The following TEAD3 variants were observed in gnomAD, a reference collection of about 807,000 sequenced individuals.
TEAD3 encodes the protein TEA domain transcription factor 3.
TEAD3 carries 15 observed loss-of-function variants against 55.6 expected under a neutral mutation model. The ratio of observed to expected loss-of-function variants is 0.27; its 90% CI spans 0.18 to 0.42. TEAD3 has a LOEUF of 0.42. Ranked by LOEUF, TEAD3 falls within the 10% of genes least tolerant of loss-of-function variation. The pLI is 1.00. For missense variants in TEAD3, 407 were observed against 576.8 expected (o/e 0.71, Z 3.01); for synonymous variants, 210 against 232.2 (o/e 0.90, Z 0.87).
intron 1 of TEAD3, among the ~76,000 whole-genome samples, chr6:35,495,079 T>G (rs1218061385): frequency 6.6e-6 from 1 of 152,152 alleles, no homozygotes; most frequent in African/African-American, 2.4e-5. Context: ...GAGAAGTCAT[T>G]CATTCCAAGC....
In TEAD3 at chr6:35,489,913, A is replaced by C. The variant is rs1180864472; in HGVS notation, c.-49-3202T>G. On this transcript the variant is annotated intron_variant, in intron 1 of 12. Coordinates refer to ENST00000639578, the Ensembl canonical transcript of TEAD3. ...TAAATTAAAAAAACAAAAAGAAAAAATTAAGGGGACAGGGGTGTGCTAGCT... is the reference window on the plus strand; with the variant it reads ...TAAATTAAAAAAACAAAAAGAAAAACTTAAGGGGACAGGGGTGTGCTAGCT... Among the ~76,000 whole-genome samples, 3 of 152,138 alleles carry C rather than the reference A, an allele frequency of 2.0e-5. No homozygotes were observed. The East Asian group carries it at 5.8e-4, about 29-fold the overall frequency.
At chr6:35,489,568 T>C (rs1388400739) in intron 1 of TEAD3, among the ~76,000 whole-genome samples, 1 of 152,068 alleles carries the variant, frequency 6.6e-6, no homozygotes, top group African/African-American at 2.4e-5. Context: ...GGAATCTCTC[T>C]CCCATGGCCA....
In TEAD3 at chr6:35,484,429, T is replaced by C; in HGVS notation, c.267+131A>G. The C allele has an allele frequency of 3.7e-6, 3 of 807,272 alleles. No individual in the cohort carries two copies. Among genetic ancestry groups the C allele is most frequent in the Non-Finnish European group, 4.1e-6 (2 of 485,126 alleles). The allele number at this position is 807,272 out of a possible 1,614,324, so 50.0% of individuals were successfully genotyped here. On this transcript the variant is annotated intron_variant, in intron 3 of 12. Transcript: ENST00000639578. The surrounding 1 kb of genome is among the most constrained non-coding windows in gnomAD (Gnocchi z 5.8). ...AATCGAGGGGGTAAGGGGAGTGTGATGAGGCAAGGAGGGTGGCAGTCCAGG... is the reference window on the plus strand; with the variant it reads ...AATCGAGGGGGTAAGGGGAGTGTGACGAGGCAAGGAGGGTGGCAGTCCAGG...
intron 1 of TEAD3, among the ~76,000 whole-genome samples, chr6:35,489,146 A>G (rs1173807871): frequency 1.3e-5 from 2 of 152,222 alleles, no homozygotes; most frequent in African/African-American, 4.8e-5. Context: ...TAGACTTAAT[A>G]TTACTACTAC....
chr6:35,486,340 T>A lies in TEAD3; in HGVS notation c.202+121A>T. The A allele has an allele frequency of 8.4e-7, 1 of 1,189,006 alleles. No individual in the cohort carries two copies. Among genetic ancestry groups the A allele is most frequent in the Non-Finnish European group, 1.2e-6 (1 of 856,980 alleles). The allele number at this position is 1,189,006 out of a possible 1,614,324, so 73.7% of individuals were successfully genotyped here. On this transcript the variant is annotated intron_variant, in intron 2 of 12. Transcript: ENST00000639578. The surrounding 1 kb of genome is among the most constrained non-coding windows in gnomAD (Gnocchi z 7.3). Reference sequence around the variant, plus strand: ...CGGAGGAGGATCCAGACACACAGGCTTGCGCGCCCAGACTCGCCCGGCCAG... The same window carrying A: ...CGGAGGAGGATCCAGACACACAGGCATGCGCGCCCAGACTCGCCCGGCCAG...
Position 35,486,164 on chromosome 6 carries a change from A to C in TEAD3, c.202+297T>G, listed in dbSNP as rs917183275. ...CCCCGTTCCGGGCCTCGACCGGCGC[A>C]GACTGGGCTGACCCACTTTCTTGGG... On this transcript the variant is annotated intron_variant, in intron 2 of 12. Coordinates refer to ENST00000639578, the Ensembl canonical transcript of TEAD3. This position sits in a 1 kb window ranked among gnomAD's most constrained non-coding sequence, Gnocchi z 7.3. 6.6e-6 allele frequency among the ~76,000 whole-genome samples: 1 copy of C among 152,172 alleles called. No individual in the cohort carries two copies. Among genetic ancestry groups the C allele is most frequent in the Non-Finnish European group, 1.5e-5 (1 of 68,016 alleles).
At position 35,485,247 on chromosome 6, in the gene TEAD3, G is replaced by A. The variant is rs1768350263; in HGVS notation, c.203-623C>T. Among the ~76,000 whole-genome samples the A allele has an allele frequency of 6.6e-6, 1 of 152,148 alleles. No individual in the cohort carries two copies. Among genetic ancestry groups the A allele is most frequent in the Non-Finnish European group, 1.5e-5 (1 of 68,012 alleles). ...GTCAAGATGTGTCACTGAGCATGTC[G>A]CCATGTCCTTGTGCCTGTCACCCCC... On this transcript the variant is annotated intron_variant, in intron 2 of 12. Transcript: ENST00000639578. The surrounding 1 kb of genome is among the most constrained non-coding windows in gnomAD (Gnocchi z 4.3).
intron 1 of TEAD3, among the ~76,000 whole-genome samples, chr6:35,490,418 T>C (rs1156803609): frequency 1.3e-5 from 2 of 152,134 alleles, no homozygotes; most frequent in Non-Finnish European, 2.9e-5. Context: ...GGCTGGCTCC[T>C]AGACGCATGC....
At chr6:35,479,701 G>A (rs1015036697) in intron 4 of TEAD3, among the ~76,000 whole-genome samples, 3 of 152,244 alleles carry the variant, frequency 2.0e-5, no homozygotes, top group African/African-American at 7.2e-5. Context: ...ATCCGCAGCT[G>A]CAGGACAGCC....
intron 1 of TEAD3, among the ~76,000 whole-genome samples, chr6:35,490,296 G>A (rs901510588): frequency 1.3e-5 from 2 of 152,208 alleles, no homozygotes; most frequent in Non-Finnish European, 2.9e-5. Context: ...AGACTGGGGG[G>A]GCGGGGCAGG....
rs766738651 is a variant in TEAD3, at chr6:35,475,885, G to A, written c.900+34C>T. The A allele has an allele frequency of 7.3e-6, 11 of 1,511,188 alleles. No individual in the cohort carries two copies. In the Admixed American group the frequency reaches 2.2e-4, roughly 30 times the overall value. 93.6% of individuals were successfully genotyped at this position (1,511,188 alleles called of 1,614,324 possible). A position where few individuals can be genotyped will look rare whatever the true frequency, so the allele number is the denominator to read the frequency against. ...ATGTTGCACCTCTGGGGTGGGGAAG[G>A]GGGCTTGGAGCAGAGAAGGCCAGGG... On this transcript the variant is annotated intron_variant, in intron 10 of 12. Coordinates refer to ENST00000639578, the Ensembl canonical transcript of TEAD3. The surrounding 1 kb of genome is among the most constrained non-coding windows in gnomAD (Gnocchi z 5.4).
chr6:35,476,014 G>T (rs368261287), exon 10 of TEAD3: 2 of 1,564,020 alleles, frequency 1.3e-6, no homozygotes, highest in East Asian at 2.3e-5. Context: ...TAGATCTGGC[G>T]CACATCTACT....
At position 35,486,376 on chromosome 6, in the gene TEAD3, C is replaced by T; in HGVS notation, c.202+85G>A. 1 of 1,468,606 alleles carries T rather than the reference C, an allele frequency of 6.8e-7. No individual in the cohort carries two copies. Among genetic ancestry groups the T allele is most frequent in the Non-Finnish European group, 9.1e-7 (1 of 1,095,596 alleles). The allele number at this position is 1,468,606 out of a possible 1,614,324, so 91.0% of individuals were successfully genotyped here. On this transcript the variant is annotated intron_variant, in intron 2 of 12. Transcript: ENST00000639578. The surrounding 1 kb of genome is among the most constrained non-coding windows in gnomAD (Gnocchi z 7.3). Reference sequence around the variant, plus strand: ...GACTCGCCCGGCCAGCGGCTGGCGGCCTCCGACGTCACCAAACCGGTTGGG... The same window carrying T: ...GACTCGCCCGGCCAGCGGCTGGCGGTCTCCGACGTCACCAAACCGGTTGGG...
chr6:35,475,515 C>A lies in TEAD3; in HGVS notation c.1042-27G>T. On this transcript the variant is annotated intron_variant, in intron 11 of 12. Coordinates refer to ENST00000639578, the Ensembl canonical transcript of TEAD3. This position sits in a 1 kb window ranked among gnomAD's most constrained non-coding sequence, Gnocchi z 5.4. Reference sequence around the variant, plus strand: ...TGCAGAGAATATGGAGAAGGCGTCACTCGGCCTGCCTGCTCCCAGCCCCAC... The same window carrying A: ...TGCAGAGAATATGGAGAAGGCGTCAATCGGCCTGCCTGCTCCCAGCCCCAC... 6.2e-7 allele frequency: 1 copy of A among 1,604,944 alleles called. No individual in the cohort carries two copies. The highest frequency in any genetic ancestry group is 1.1e-5 in the South Asian group (1 of 90,256).
rs546718668 is a variant in TEAD3, at chr6:35,491,190, C to A, written c.-49-4479G>T. The stretch of plus-strand genomic sequence containing the variant: ...AGCCCCGCAGAGTGAAGGGAGAGAC[C>A]CCAGGAGAGATGTGGAGGCAGGGCG... On this transcript the variant is annotated intron_variant, in intron 1 of 12. Coordinates refer to ENST00000639578, the Ensembl canonical transcript of TEAD3. The surrounding 1 kb of genome is among the most constrained non-coding windows in gnomAD (Gnocchi z 4.4). Among the ~76,000 whole-genome samples the A allele has an allele frequency of 3.1e-4, 47 of 151,780 alleles. No individual in the cohort carries two copies. Among genetic ancestry groups the A allele is most frequent in the African/African-American group, 8.0e-4 (33 of 41,346 alleles).
Position 35,480,299 on chromosome 6 carries a change from G to A in TEAD3, c.268-177C>T. On this transcript the variant is annotated intron_variant, in intron 3 of 12. Coordinates refer to ENST00000639578, the Ensembl canonical transcript of TEAD3. The stretch of plus-strand genomic sequence containing the variant: ...CAGGAGGGCTGAAGGCCCCCGCCAG[G>A]CACCCAACATACCTTGATGCCAACC... 2 of 1,613,226 alleles carry A rather than the reference G, an allele frequency of 1.2e-6. No individual in the cohort carries two copies. Among genetic ancestry groups the A allele is most frequent in the Non-Finnish European group, 8.5e-7 (1 of 1,179,572 alleles).
At chr6:35,495,854 A>G (rs1038957712) in intron 1 of TEAD3, among the ~76,000 whole-genome samples, 6 of 152,188 alleles carry the variant, frequency 3.9e-5, no homozygotes, top group Non-Finnish European at 7.3e-5. Context: ...CTTCCGGACA[A>G]CAAGTCCAGG....
At chr6:35,482,541 C>G (rs918842009) in intron 3 of TEAD3, among the ~76,000 whole-genome samples, 1 of 152,144 alleles carries the variant, frequency 6.6e-6, no homozygotes, top group African/African-American at 2.4e-5. Context: ...TAGGCAGGAG[C>G]AGGTGTGATG....
intron 3 of TEAD3, among the ~76,000 whole-genome samples, chr6:35,482,484 A>G (rs1768284757): frequency 6.6e-6 from 1 of 152,178 alleles, no homozygotes; most frequent in Non-Finnish European, 1.5e-5. Flanking sequence ...GAGCTTATCA[A>G]CAGCTGGTTT....
Sources: allele counts gnomAD v4.1 joint callset (sites outside exome capture counted in the v4.1 genomes callset), GRCh38; gene constraint gnomAD v4.1.1; non-coding constraint Gnocchi (gnomAD v3.1); transcripts MANE v1.5; gene names NCBI Gene and HGNC (gene_info 2026-07-23, HGNC 2026-07-21).